SUGCT: variants seen among roughly 807,000 people sequenced by gnomAD.
The protein encoded by SUGCT is succinyl-CoA:glutarate-CoA transferase.
A neutral mutation model predicts 55.0 loss-of-function variants in SUGCT; 41 were observed. The ratio of observed to expected loss-of-function variants is 0.74; its 90% confidence interval spans 0.58 to 0.97. The LOEUF (loss-of-function observed/expected upper bound fraction) is 0.97, where lower values mean the gene tolerates loss of function less well. SUGCT is among the 50% of genes least tolerant of loss of function. SUGCT has a pLI of 0.00. For missense variants in SUGCT, 568 were observed against 547.8 expected, an observed-to-expected ratio of 1.04 and a Z score of -0.37; for synonymous variants, 187 against 200.4, an observed-to-expected ratio of 0.93 and a Z score of 0.56.
intron 6 of SUGCT, among the ~76,000 whole-genome samples, chr7:40,205,953 T>C (rs2150778883): frequency 6.6e-6 from 1 of 152,214 alleles, no homozygotes; most frequent in East Asian, 1.9e-4. Flanking sequence ...AATCAGTTGA[T>C]TTCATCTTTG....
At chr7:40,575,893 G>A (rs1292430057) in intron 12 of SUGCT, among the ~76,000 whole-genome samples, 2 of 149,952 alleles carry the variant, frequency 1.3e-5, no homozygotes, top group African/African-American at 2.5e-5. Flanking sequence ...GCAGTGAGCC[G>A]AGATTGTGCC....
intron 8 of SUGCT, among the ~76,000 whole-genome samples, chr7:40,299,383 T>C (rs975593300): frequency 6.6e-6 from 1 of 152,158 alleles, no homozygotes; most frequent in African/African-American, 2.4e-5. Flanking sequence ...AACTGGCTCA[T>C]TAAAACAAGA....
At chr7:40,898,017 G>A in the SUGCT span, among the ~76,000 whole-genome samples, 55 of 152,100 alleles carry the variant, frequency 3.6e-4, no homozygotes, top group Non-Finnish European at 4.1e-4. Flanking sequence ...CGGTGTGAAA[G>A]GTGTGTTCTT....
chr7:40,986,408 G>A, the SUGCT span, among the ~76,000 whole-genome samples: 1 of 152,112 alleles, frequency 6.6e-6, no homozygotes, highest in Non-Finnish European at 1.5e-5. Flanking sequence ...GGGGAAATAC[G>A]AAAACCATCC....
At position 40,272,641 on chromosome 7, in the gene SUGCT, GTATTAT is replaced by G. The variant is rs1023951710; in HGVS notation, c.577-1852_577-1847del. Among the ~76,000 whole-genome samples, 106 of 143,862 alleles carry G rather than the reference GTATTAT, an allele frequency of 7.4e-4. 1 individual carries two copies. Among genetic ancestry groups the G allele is most frequent in the Middle Eastern group, 3.6e-3 (1 of 278 alleles). 94.4% of individuals were successfully genotyped at this position (143,862 alleles called of 152,430 possible). ...AGCTGTGGAATTGCTGGATCATATGGTATTATTATTATTATTATTATTATTTTTTTT... is the reference window on the plus strand; with the variant it reads ...AGCTGTGGAATTGCTGGATCATATGGTATTATTATTATTATTATTTTTTTT... On this transcript the variant is annotated intron_variant, in intron 7 of 13. Transcript: ENST00000335693.
chr7:40,179,193 G>T (rs1350482336), intron 1 of SUGCT, among the ~76,000 whole-genome samples: 2 of 152,020 alleles, frequency 1.3e-5, no homozygotes, highest in African/African-American at 4.8e-5. Context: ...GTAAGCCATT[G>T]TATTAATCTA....
At chr7:40,137,638 T>G (rs1432928023) in intron 1 of SUGCT, among the ~76,000 whole-genome samples, 4 of 152,126 alleles carry the variant, frequency 2.6e-5, no homozygotes, top group Admixed American at 2.6e-4. Context: ...AAAGTTTGAG[T>G]TGTGTTTTTC....
At chr7:40,640,228 A>T (rs1425195510) in intron 12 of SUGCT, among the ~76,000 whole-genome samples, 3 of 152,224 alleles carry the variant, frequency 2.0e-5, no homozygotes, top group African/African-American at 7.2e-5. Context: ...ATATTTACAC[A>T]TGGCTTCCAT....
At chr7:40,867,256 A>G in the SUGCT span, among the ~76,000 whole-genome samples, 2 of 150,088 alleles carry the variant, frequency 1.3e-5, no homozygotes, top group Non-Finnish European at 3.0e-5. Context: ...AATATATGAT[A>G]TATATATTAT....
At chr7:40,372,955 A>T (rs946285463) in intron 9 of SUGCT, among the ~76,000 whole-genome samples, 1 of 152,040 alleles carries the variant, frequency 6.6e-6, no homozygotes, top group South Asian at 2.1e-4. Context: ...ACAAATATAT[A>T]CAGACAGAGG....
intron 7 of SUGCT, among the ~76,000 whole-genome samples, chr7:40,252,679 G>T (rs1004575819): frequency 6.6e-6 from 1 of 152,018 alleles, no homozygotes; most frequent in African/African-American, 2.4e-5. Context: ...ATAGGGTCTT[G>T]CTGTGTCACC....
At chr7:40,678,513 G>T (rs1046433253) in intron 12 of SUGCT, among the ~76,000 whole-genome samples, 7 of 152,140 alleles carry the variant, frequency 4.6e-5, no homozygotes, top group African/African-American at 1.4e-4. Flanking sequence ...ACACAGTGGG[G>T]TGTGAATGGC....
intron 6 of SUGCT, among the ~76,000 whole-genome samples, chr7:40,208,471 C>T (rs941750238): frequency 6.6e-6 from 1 of 152,024 alleles, no homozygotes; most frequent in South Asian, 2.1e-4. Context: ...TTTAATATGT[C>T]TTGGATCATG....
At chr7:41,013,508 T>C in the SUGCT span, among the ~76,000 whole-genome samples, 1 of 152,152 alleles carries the variant, frequency 6.6e-6, no homozygotes, top group African/African-American at 2.4e-5. Flanking sequence ...GCTGAGGACA[T>C]AGACGAAAAT....
At chr7:40,914,211 C>T in the SUGCT span, among the ~76,000 whole-genome samples, 1 of 151,514 alleles carries the variant, frequency 6.6e-6, no homozygotes, top group Non-Finnish European at 1.5e-5. Context: ...ACACATCACT[C>T]AAAGTCCAAT....
intron 12 of SUGCT, among the ~76,000 whole-genome samples, chr7:40,696,055 T>C (rs1335254337): frequency 6.6e-6 from 1 of 152,198 alleles, no homozygotes; most frequent in Non-Finnish European, 1.5e-5. Flanking sequence ...CCTACAGTTC[T>C]TTTCCCGTTT....
intron 5 of SUGCT, among the ~76,000 whole-genome samples, chr7:40,190,653 T>G (rs1344310856): frequency 1.8e-5 from 2 of 109,906 alleles, no homozygotes; most frequent in Non-Finnish European, 3.8e-5. Context: ...GTATTAGCTA[T>G]TATTATTCCT....
intron 9 of SUGCT, among the ~76,000 whole-genome samples, chr7:40,393,631 G>C (rs918990195): frequency 6.6e-6 from 1 of 152,038 alleles, no homozygotes; most frequent in African/African-American, 2.4e-5. Flanking sequence ...AGAGGGAGGT[G>C]TTGAAGATAG....
intron 1 of SUGCT, chr7:40,153,478 C>T (rs961376982): frequency 2.0e-5 from 7 of 356,024 alleles, no homozygotes; most frequent in African/African-American, 8.7e-5. Context: ...TTGACTAAAG[C>T]GAGTCTCCAC....
Sources: gnomAD v4.1 joint callset for allele counts (sites outside exome capture counted in the v4.1 genomes callset) on GRCh38, gnomAD v4.1.1 for gene constraint, MANE v1.5 for transcripts, NCBI Gene and HGNC (gene_info 2026-07-23, HGNC 2026-07-21) for gene names.